SLC25A40: variants seen among roughly 807,000 people sequenced by gnomAD.
SLC25A40 encodes the protein mitochondrial glutathione transporter SLC25A40.
A neutral mutation model predicts 46.5 loss-of-function variants in SLC25A40; 41 were observed. The ratio of observed to expected loss-of-function variants is 0.88; its 90% CI spans 0.69 to 1.14. The LOEUF is 1.14. Ranked by LOEUF, SLC25A40 falls within the 50% of genes most tolerant of loss-of-function variation. The pLI, the probability that SLC25A40 is intolerant of heterozygous loss-of-function variation, is 0.00. For missense variants in SLC25A40, 386 were observed against 393.6 expected, an observed-to-expected ratio of 0.98 and a Z score of 0.16; for synonymous variants, 126 against 127.5, an observed-to-expected ratio of 0.99 and a Z score of 0.08.
intron 4 of SLC25A40, among the ~76,000 whole-genome samples, chr7:87,854,809 CAAAA>C (rs1193322764): frequency 1.9e-5 from 1 of 53,580 alleles, no homozygotes; most frequent in Non-Finnish European, 3.7e-5. Context: ...AAGACTGTCT[CAAAA>C]AAAAAAAAAA....
chr7:87,869,025 T>C (rs1367620535), intron 1 of SLC25A40, among the ~76,000 whole-genome samples: 4 of 152,172 alleles, frequency 2.6e-5, no homozygotes, highest in African/African-American at 4.8e-5. Context: ...CATCAGGAAA[T>C]GGAAATGAAA....
rs1349490328 is a variant in SLC25A40, at chr7:87,834,268, A to G, written c.*1981T>C. 2 of 149,498 alleles carry G rather than the reference A, an allele frequency of 1.3e-5. No individual in the cohort carries two copies. Among genetic ancestry groups the G allele is most frequent in the Non-Finnish European group, 3.0e-5 (2 of 66,490 alleles). 9.3% of individuals were successfully genotyped at this position (149,498 alleles called of 1,614,324 possible). On this transcript the variant is annotated 3_prime_UTR_variant, in exon 12 of 12. Coordinates refer to ENST00000341119, the MANE Select transcript of SLC25A40 (RefSeq NM_018843.4). Reference sequence around the variant, plus strand: ...AATTATTTTATCAGACAGAACTCTGAGAGCAAATTAAAATTTTAAAATTTT... The same window carrying G: ...AATTATTTTATCAGACAGAACTCTGGGAGCAAATTAAAATTTTAAAATTTT...
At chr7:87,875,031 TAA>T (rs776791681) in intron 1 of SLC25A40, among the ~76,000 whole-genome samples, 8 of 152,154 alleles carry the variant, frequency 5.3e-5, no homozygotes, top group East Asian at 1.9e-4. Flanking sequence ...ATTTTGAAAA[TAA>T]GTTTTTTCCC....
intron 3 of SLC25A40, among the ~76,000 whole-genome samples, chr7:87,856,950 AATTAT>A (rs1257859911): frequency 3.3e-5 from 5 of 151,966 alleles, no homozygotes; most frequent in Non-Finnish European, 7.4e-5. Context: ...GAATGATGAT[AATTAT>A]ATTAGATGAT....
intron 1 of SLC25A40, among the ~76,000 whole-genome samples, chr7:87,862,546 T>C (rs1050810837): frequency 6.6e-6 from 1 of 152,194 alleles, no homozygotes; most frequent in Non-Finnish European, 1.5e-5. Context: ...AGTAAAAGGA[T>C]TAAAGTAACT....
In SLC25A40 at chr7:87,842,156, GAATA is replaced by G. The variant is rs1486897611; in HGVS notation, c.742-446_742-443del. The G allele has an allele frequency of 5.7e-5, 11 of 193,770 alleles. No individual in the cohort carries two copies. In the East Asian group the frequency reaches 1.7e-3, roughly 31 times the overall value. The allele number at this position is 193,770 out of a possible 1,614,324, so 12.0% of individuals were successfully genotyped here. On this transcript the variant is annotated intron_variant, in intron 9 of 11. Coordinates refer to ENST00000341119, the MANE Select transcript of SLC25A40 (RefSeq NM_018843.4). ...TAAAATAGAATAAAAAATTAAATTT[GAATA>G]AAGAAAATGAATTTTGAACTTTTAA...
At position 87,835,919 on chromosome 7, in the gene SLC25A40, G is replaced by A; in HGVS notation, c.*330C>T. 5.1e-6 allele frequency: 1 copy of A among 194,326 alleles called. No homozygotes were observed. The highest frequency in any genetic ancestry group is 1.0e-5 in the Non-Finnish European group (1 of 96,196). The allele number at this position is 194,326 out of a possible 1,614,324, so 12.0% of individuals were successfully genotyped here. A position where few individuals can be genotyped will look rare whatever the true frequency, so the allele number is the denominator to read the frequency against. On this transcript the variant is annotated 3_prime_UTR_variant, in exon 12 of 12. Coordinates refer to ENST00000341119, the MANE Select transcript of SLC25A40 (RefSeq NM_018843.4). ...TCAGCACACAATTCAAAAAGTTCTG[G>A]TGTATTCAACACACTCCCAGTAAGA...
rs987314443 is a variant in SLC25A40 at position 87,836,174 on chromosome 7, T to C, written c.*75A>G. 4.3e-5 allele frequency: 35 copies of C among 813,596 alleles called. No individual in the cohort carries two copies. The Middle Eastern group carries it at 9.2e-4, about 21-fold the overall frequency. 50.4% of individuals were successfully genotyped at this position (813,596 alleles called of 1,614,324 possible). A position where few individuals can be genotyped will look rare whatever the true frequency, so the allele number is the denominator to read the frequency against. On this transcript the variant is annotated 3_prime_UTR_variant, in exon 12 of 12. Transcript: ENST00000341119. ...ACATAAAATCATTGTGAGAGAATAA[T>C]GGTGAAAAACATTCTTGCCTAAGAG...
At chr7:87,870,571 T>C (rs930396972) in intron 1 of SLC25A40, among the ~76,000 whole-genome samples, 2 of 152,086 alleles carry the variant, frequency 1.3e-5, no homozygotes, top group African/African-American at 4.8e-5. Flanking sequence ...AATGTTGCCT[T>C]TTCCAAAACT....
At chr7:87,866,069 C>T (rs1304321774) in intron 1 of SLC25A40, among the ~76,000 whole-genome samples, 1 of 149,964 alleles carries the variant, frequency 6.7e-6, no homozygotes, top group Non-Finnish European at 1.5e-5. Flanking sequence ...GGCAATAGAA[C>T]AAAACCCTCT....
chr7:87,861,665 C>G (rs1332519645), intron 1 of SLC25A40, among the ~76,000 whole-genome samples: 1 of 152,050 alleles, frequency 6.6e-6, no homozygotes, highest in Non-Finnish European at 1.5e-5. Flanking sequence ...TAAATGAGCT[C>G]CTTTAAGTGG....
intron 5 of SLC25A40, among the ~76,000 whole-genome samples, chr7:87,852,374 AGT>A (rs1180293699): frequency 2.0e-5 from 3 of 152,166 alleles, no homozygotes; most frequent in Non-Finnish European, 4.4e-5. Flanking sequence ...TGAGCCCAGG[AGT>A]GTGAGACTAG....
chr7:87,873,878 T>A (rs183119121), intron 1 of SLC25A40, among the ~76,000 whole-genome samples: 11 of 152,328 alleles, frequency 7.2e-5, no homozygotes, highest in Admixed American at 6.5e-4. Context: ...CTAATATAAC[T>A]CTTGAACAAA....
intron 1 of SLC25A40, among the ~76,000 whole-genome samples, chr7:87,864,431 T>C (rs947556618): frequency 6.6e-6 from 1 of 152,210 alleles, no homozygotes; most frequent in African/African-American, 2.4e-5. Context: ...CAAAAAAACG[T>C]GGTCTTATTT....
Position 87,834,114 on chromosome 7 carries a change from CAT to C in SLC25A40, c.*2133_*2134del, listed in dbSNP as rs1838228699. ...CATCACCAAGAACACTGTTGTGGCACATGTTTGCAAATATTGCAATTCCTGCA... is the reference window on the plus strand; with the variant it reads ...CATCACCAAGAACACTGTTGTGGCACGTTTGCAAATATTGCAATTCCTGCA... On this transcript the variant is annotated 3_prime_UTR_variant, in exon 12 of 12. Coordinates refer to ENST00000341119, the MANE Select transcript of SLC25A40 (RefSeq NM_018843.4). 6.6e-6 allele frequency: 1 copy of C among 151,812 alleles called. No homozygotes were observed. The highest frequency in any genetic ancestry group is 6.6e-5 in the Admixed American group (1 of 15,178). The allele number at this position is 151,812 out of a possible 1,614,324, so 9.4% of individuals were successfully genotyped here.
In SLC25A40 at chr7:87,835,281, C is replaced by T. The variant is rs1482262600; in HGVS notation, c.*968G>A. ...AAGGAAACAGCTTCTTGTTTAGCCT[C>T]TTACTCTACCATACTTAGAGTAAAA... On this transcript the variant is annotated 3_prime_UTR_variant, in exon 12 of 12. Transcript: ENST00000341119. 6.6e-6 allele frequency: 1 copy of T among 151,680 alleles called. No individual in the cohort carries two copies. The highest frequency in any genetic ancestry group is 1.9e-4 in the East Asian group (1 of 5,170). The allele number at this position is 151,680 out of a possible 1,614,324, so 9.4% of individuals were successfully genotyped here.
In SLC25A40 at chr7:87,873,674, G is replaced by A. The variant is rs531712043; in HGVS notation, c.-94+2422C>T. On this transcript the variant is annotated intron_variant, in intron 1 of 11. Transcript: ENST00000341119. ...TCTCCAACTTCTGACCTCGTGATCCGCCACCTCGGCCTCCCAAAGTGCTGG... is the reference window on the plus strand; with the variant it reads ...TCTCCAACTTCTGACCTCGTGATCCACCACCTCGGCCTCCCAAAGTGCTGG... 2.6e-4 allele frequency among the ~76,000 whole-genome samples: 39 copies of A among 151,994 alleles called. 2 individuals carry two copies. The highest frequency in any genetic ancestry group is 9.2e-4 in the African/African-American group (38 of 41,428).
At position 87,834,766 on chromosome 7, in the gene SLC25A40, C is replaced by T. The variant is rs751144795; in HGVS notation, c.*1483G>A. The T allele has an allele frequency of 7.3e-5, 11 of 151,266 alleles. No homozygotes were observed. The highest frequency in any genetic ancestry group is 3.9e-4 in the East Asian group (2 of 5,172). The allele number at this position is 151,266 out of a possible 1,614,324, so 9.4% of individuals were successfully genotyped here. A position where few individuals can be genotyped will look rare whatever the true frequency, so the allele number is the denominator to read the frequency against. On this transcript the variant is annotated 3_prime_UTR_variant, in exon 12 of 12. Transcript: ENST00000341119. ...AGTATAGCATTATACAATGATTTTA[C>T]GTAAAAATATTTAGAAGCACAGTGA...
chr7:87,857,655 T>A (rs923188828), intron 3 of SLC25A40, among the ~76,000 whole-genome samples: 2 of 152,238 alleles, frequency 1.3e-5, no homozygotes, highest in African/African-American at 4.8e-5. Flanking sequence ...CTTACTTTAA[T>A]CTCTTAATCC....
Sources: allele counts gnomAD v4.1 joint callset (sites outside exome capture counted in the v4.1 genomes callset), GRCh38; gene constraint gnomAD v4.1.1; transcripts MANE v1.5; gene names NCBI Gene and HGNC (gene_info 2026-07-23, HGNC 2026-07-21).